The following MTCL2 variants were observed in gnomAD, a reference collection of about 807,000 sequenced individuals.
MTCL2 encodes the protein microtubule crosslinking factor 2.
the MTCL2 span, chr20:36,812,956 C>A: frequency 7.7e-7 from 1 of 1,303,858 alleles, no homozygotes; most frequent in Non-Finnish European, 1.0e-6. Context: ...GCTTGAACCA[C>A]CCACCTGAGG....
At chr20:36,808,533 C>A in the MTCL2 span, 1 of 1,600,630 alleles carries the variant, frequency 6.2e-7, no homozygotes, top group Non-Finnish European at 8.5e-7. Context: ...TCATCCCCTT[C>A]GCTGGGCAAA....
At chr20:36,810,866 C>T in the MTCL2 span, among the ~76,000 whole-genome samples, 1 of 152,010 alleles carries the variant, frequency 6.6e-6, no homozygotes, top group African/African-American at 2.4e-5. Context: ...ATTACAGGCA[C>T]CCGCCACCAC....
the MTCL2 span, chr20:36,839,291 G>A: frequency 2.8e-5 from 45 of 1,611,872 alleles, no homozygotes; most frequent in Admixed American, 6.7e-5. This position sits in a 1 kb window ranked among gnomAD's most constrained non-coding sequence, Gnocchi z 5.1. Context: ...AGACTGCGGC[G>A]CTCGGCTTTG....
the MTCL2 span, chr20:36,786,757 G>T: frequency 1.0e-6 from 1 of 978,922 alleles, no homozygotes; most frequent in Admixed American, 2.7e-5. Flanking sequence ...GTTCCCAGGG[G>T]CTGAAGCTCC....
the MTCL2 span, among the ~76,000 whole-genome samples, chr20:36,830,804 A>G: frequency 6.6e-6 from 1 of 152,342 alleles, no homozygotes; most frequent in South Asian, 2.1e-4. Context: ...CTATTACACA[A>G]AAGCCTTGGC....
the MTCL2 span, among the ~76,000 whole-genome samples, chr20:36,856,806 T>C: frequency 6.6e-6 from 1 of 152,232 alleles, no homozygotes; most frequent in Admixed American, 6.5e-5. Context: ...AGACCAGGAT[T>C]TCCTGTTTCT....
At chr20:36,804,605 TG>T in the MTCL2 span, 1 of 1,253,388 alleles carries the variant, frequency 8.0e-7, no homozygotes, top group Non-Finnish European at 1.1e-6. Context: ...TTGCCCTCTC[TG>T]GGCCACAGGT....
chr20:36,840,084 G>A, the MTCL2 span, among the ~76,000 whole-genome samples: 64 of 150,996 alleles, frequency 4.2e-4, no homozygotes, highest in Non-Finnish European at 8.8e-4. Flanking sequence ...GGTTGGTCTT[G>A]AACTCCTGAC....
At chr20:36,820,110 G>A in the MTCL2 span, among the ~76,000 whole-genome samples, 1 of 152,214 alleles carries the variant, frequency 6.6e-6, no homozygotes, top group Non-Finnish European at 1.5e-5. Flanking sequence ...AGTGGGAAGG[G>A]CTGTGGCCTC....
At chr20:36,819,730 A>T in the MTCL2 span, among the ~76,000 whole-genome samples, 37 of 152,296 alleles carry the variant, frequency 2.4e-4, no homozygotes, top group Admixed American at 1.8e-3. Flanking sequence ...CCAGGCAAGG[A>T]GAGCTCCAGA....
the MTCL2 span, chr20:36,778,024 C>G: frequency 2.1e-6 from 1 of 476,062 alleles, no homozygotes; most frequent in East Asian, 3.6e-5. Flanking sequence ...TCTTCTGCCT[C>G]CTGCCTCCCC....
chr20:36,823,954 A>G, the MTCL2 span, among the ~76,000 whole-genome samples: 1 of 152,196 alleles, frequency 6.6e-6, no homozygotes, highest in Non-Finnish European at 1.5e-5. Context: ...CTAGCCCACC[A>G]GGTAGGAATT....
At chr20:36,859,994 C>G in the MTCL2 span, 1 of 1,077,954 alleles carries the variant, frequency 9.3e-7, no homozygotes, top group Non-Finnish European at 1.2e-6. Context: ...GTAATAACCC[C>G]TCTATTTATG....
chr20:36,847,640 G>A, the MTCL2 span, among the ~76,000 whole-genome samples: 1 of 152,214 alleles, frequency 6.6e-6, no homozygotes, highest in South Asian at 2.1e-4. Context: ...GATCCCTTGA[G>A]CTCAGGAGTT....
chr20:36,810,649 C>G, the MTCL2 span, among the ~76,000 whole-genome samples: 1 of 151,208 alleles, frequency 6.6e-6, no homozygotes, highest in East Asian at 2.0e-4. Flanking sequence ...ATAAATGTAA[C>G]CAGTGGGAAC....
chr20:36,847,796 A>G, the MTCL2 span, among the ~76,000 whole-genome samples: 1 of 150,564 alleles, frequency 6.6e-6, no homozygotes, highest in Admixed American at 6.6e-5. Context: ...TGAGGCTGCA[A>G]TAAGCAAGGA....
chr20:36,863,159 GC>G, the MTCL2 span: 1 of 1,361,742 alleles, frequency 7.3e-7, no homozygotes, highest in Non-Finnish European at 9.5e-7. This position sits in a 1 kb window ranked among gnomAD's most constrained non-coding sequence, Gnocchi z 6.2. Context: ...ACGCGGCGCT[GC>G]AGGCGACTGC....
chr20:36,841,984 G>A, the MTCL2 span, among the ~76,000 whole-genome samples: 13 of 151,368 alleles, frequency 8.6e-5, no homozygotes, highest in African/African-American at 3.2e-4. Flanking sequence ...GCCTAGCTCA[G>A]CATCCCAAAG....
chr20:36,845,163 G>A, the MTCL2 span, among the ~76,000 whole-genome samples: 1 of 152,208 alleles, frequency 6.6e-6, no homozygotes, highest in African/African-American at 2.4e-5. Context: ...AAATTCTCAT[G>A]TCCCAACCCA....
Sources: allele counts gnomAD v4.1 joint callset (sites outside exome capture counted in the v4.1 genomes callset), GRCh38; gene constraint gnomAD v4.1.1; non-coding constraint Gnocchi (gnomAD v3.1); transcripts MANE v1.5; gene names NCBI Gene and HGNC (gene_info 2026-07-23, HGNC 2026-07-21).